Variants in CCDC178 observed in about 807,000 individuals in gnomAD.
CCDC178 encodes coiled-coil domain-containing protein 178.
CCDC178 carries 126 observed loss-of-function variants against 117.4 expected under a neutral mutation model. The observed-to-expected ratio is 1.07, with a 90% CI of 0.93 to 1.24. The LOEUF (loss-of-function observed/expected upper bound fraction) is 1.24. Among genes scored for constraint, CCDC178 ranks in the 50% most tolerant of loss-of-function variants. CCDC178 has a pLI of 0.00. For synonymous variants in CCDC178, 283 were observed against 313.4 expected (o/e 0.90, Z 1.02); for missense variants, 1,030 against 986.9 (o/e 1.04, Z -0.59).
rs139786221 is a variant in CCDC178 at position 33,374,777 on chromosome 18, G to A, written c.209-4588C>T. 1.2e-3 allele frequency among the ~76,000 whole-genome samples: 181 copies of A among 152,266 alleles called. 2 individuals carry two copies. Among genetic ancestry groups the A allele is most frequent in the Middle Eastern group, 3.4e-3 (1 of 294 alleles). ...TTGTGCAATATTATACAAGGGAATG[G>A]TATTGATCAATAAAAATGAACAAAC... On this transcript the variant is annotated intron_variant, in intron 5 of 22. Coordinates refer to ENST00000383096, the MANE Select transcript of CCDC178 (RefSeq NM_001105528.4).
At position 33,346,289 on chromosome 18, in the gene CCDC178, T is replaced by G. The variant is rs1166903593; in HGVS notation, c.580A>C (p.Arg194=). ...AEEALKQQRS[R]KNMINMKIDS... is the part of the protein sequence containing the mutation. ...ATTTTCATGTTAATCATATTCTTTC[T>G]TGATCTCTGTTGTTTTAAAGCTTCT... Residue 194 remains arginine (R), a synonymous_variant, in exon 9 of 23, where the codon AGA becomes CGA. Transcript: ENST00000383096. 1.2e-6 allele frequency: 2 copies of G among 1,613,990 alleles called. No homozygotes were observed. Among genetic ancestry groups the G allele is most frequent in the Non-Finnish European group, 1.7e-6 (2 of 1,179,906 alleles).
intron 21 of CCDC178, among the ~76,000 whole-genome samples, chr18:33,079,379 T>C (rs1302460892): frequency 6.6e-6 from 1 of 152,092 alleles, no homozygotes; most frequent in East Asian, 1.9e-4. Context: ...AAACACTTCA[T>C]GTTGAAGACA....
At chr18:33,372,653 G>C (rs1599236154) in intron 5 of CCDC178, among the ~76,000 whole-genome samples, 1 of 152,066 alleles carries the variant, frequency 6.6e-6, no homozygotes, top group African/African-American at 2.4e-5. Context: ...CTGGCTCCAA[G>C]CCAGAGTTGA....
chr18:33,094,241 A>C (rs2057509547), intron 20 of CCDC178, among the ~76,000 whole-genome samples: 1 of 152,044 alleles, frequency 6.6e-6, no homozygotes, highest in African/African-American at 2.4e-5. Flanking sequence ...TGTCACAATA[A>C]TTTAAAACTT....
intron 11 of CCDC178, among the ~76,000 whole-genome samples, chr18:33,315,534 T>G (rs1477377331): frequency 2.6e-5 from 4 of 152,156 alleles, no homozygotes; most frequent in Admixed American, 2.6e-4. Context: ...ATCTCTTTTA[T>G]GTATAAGCAA....
chr18:33,371,513 A>C (rs757977698), intron 5 of CCDC178, among the ~76,000 whole-genome samples: 9 of 151,964 alleles, frequency 5.9e-5, no homozygotes, highest in African/African-American at 9.7e-5. Context: ...TGAGACTTGA[A>C]CTAAATCTCC....
intron 22 of CCDC178, among the ~76,000 whole-genome samples, chr18:32,951,631 A>C (rs1006078229): frequency 6.6e-6 from 1 of 152,172 alleles, no homozygotes; most frequent in African/African-American, 2.4e-5. Flanking sequence ...GCCAAACCAT[A>C]TCATTCTGCC....
intron 5 of CCDC178, among the ~76,000 whole-genome samples, chr18:33,376,885 C>G (rs1298136627): frequency 6.6e-6 from 1 of 152,154 alleles, no homozygotes; most frequent in Non-Finnish European, 1.5e-5. Flanking sequence ...TATGTCTTTG[C>G]TATTGCAAAT....
At chr18:33,284,817 G>A (rs543256959) in intron 12 of CCDC178, among the ~76,000 whole-genome samples, 3 of 152,168 alleles carry the variant, frequency 2.0e-5, no homozygotes, top group East Asian at 1.9e-4. Flanking sequence ...ATGTGAGAAC[G>A]CAAGGAGAGA....
At chr18:33,432,517 ACACT>A (rs764813962) in intron 2 of CCDC178, among the ~76,000 whole-genome samples, 1 of 142,828 alleles carries the variant, frequency 7.0e-6, no homozygotes. Flanking sequence ...ACACACACAC[ACACT>A]AACTGAATAC....
intron 21 of CCDC178, among the ~76,000 whole-genome samples, chr18:33,003,507 A>C (rs887615114): frequency 2.0e-5 from 3 of 152,156 alleles, no homozygotes; most frequent in Non-Finnish European, 4.4e-5. Context: ...AAGAACCCTC[A>C]AAAAACTGGG....
At chr18:33,001,758 G>A (rs1241640358) in intron 21 of CCDC178, among the ~76,000 whole-genome samples, 2 of 151,920 alleles carry the variant, frequency 1.3e-5, no homozygotes, top group African/African-American at 4.8e-5. Flanking sequence ...AAAAAAAGAA[G>A]ACCCAGCATA....
intron 4 of CCDC178, among the ~76,000 whole-genome samples, chr18:33,396,375 T>C (rs554159607): frequency 6.6e-6 from 1 of 152,270 alleles, no homozygotes; most frequent in African/African-American, 2.4e-5. Context: ...GTAATTACTT[T>C]GGAAAATAAT....
chr18:33,043,431 T>C (rs2056585349), intron 21 of CCDC178, among the ~76,000 whole-genome samples: 1 of 152,066 alleles, frequency 6.6e-6, no homozygotes, highest in African/African-American at 2.4e-5. Context: ...GCTTTACCAC[T>C]GACTAGCTGT....
intron 4 of CCDC178, among the ~76,000 whole-genome samples, chr18:33,391,237 G>T (rs1161949817): frequency 6.6e-6 from 1 of 151,390 alleles, no homozygotes; most frequent in Non-Finnish European, 1.5e-5. Flanking sequence ...AACACCGAGA[G>T]TTATTACTTT....
Position 33,265,978 on chromosome 18 carries a change from G to A in CCDC178, c.1409+938C>T, listed in dbSNP as rs115046219. Among the ~76,000 whole-genome samples, 16 of 151,982 alleles carry A rather than the reference G, an allele frequency of 1.1e-4. No individual in the cohort carries two copies. The South Asian group carries it at 1.2e-3, about 12-fold the overall frequency. ...ATTAAATATGAGAGTTGAAATAGAGGAGTCATGAAAACTCATAGGTTTCCA... is the reference window on the plus strand; with the variant it reads ...ATTAAATATGAGAGTTGAAATAGAGAAGTCATGAAAACTCATAGGTTTCCA... On this transcript the variant is annotated intron_variant, in intron 14 of 22. Coordinates refer to ENST00000383096, the MANE Select transcript of CCDC178 (RefSeq NM_001105528.4).
At chr18:33,372,239 T>C (rs770231631) in intron 5 of CCDC178, among the ~76,000 whole-genome samples, 1 of 152,092 alleles carries the variant, frequency 6.6e-6, no homozygotes, top group African/African-American at 2.4e-5. Context: ...ATGTTACTCT[T>C]TTTATTTCAT....
intron 6 of CCDC178, among the ~76,000 whole-genome samples, chr18:33,362,767 G>T (rs943998166): frequency 5.9e-5 from 9 of 151,934 alleles, no homozygotes; most frequent in Non-Finnish European, 8.8e-5. Context: ...GGGTTAAGAA[G>T]AGAATTAGGA....
chr18:33,397,761 T>C (rs1258101954), intron 3 of CCDC178, among the ~76,000 whole-genome samples: 2 of 152,138 alleles, frequency 1.3e-5, no homozygotes, highest in Non-Finnish European at 2.9e-5. Context: ...TAATACAGCA[T>C]GATTTTTATA....
Sources: gnomAD v4.1 joint callset for allele counts (sites outside exome capture counted in the v4.1 genomes callset) on GRCh38, gnomAD v4.1.1 for gene constraint, MANE v1.5 for transcripts, NCBI Gene and HGNC (gene_info 2026-07-23, HGNC 2026-07-21) for gene names.